The following FGF14 variants were observed in gnomAD, a reference collection of about 807,000 sequenced individuals.
FGF14 encodes the protein fibroblast growth factor 14.
A neutral mutation model predicts 25.5 loss-of-function variants in FGF14; 5 were observed. The ratio of observed to expected loss-of-function variants is 0.20; its 90% confidence interval spans 0.10 to 0.41. The LOEUF (loss-of-function observed/expected upper bound fraction) is 0.41, where lower values mean the gene tolerates loss of function less well. FGF14 is among the 10% of genes least tolerant of loss of function. The probability of loss-of-function intolerance (pLI) is 1.00; values close to 1 mark genes in which losing one functional copy is unlikely to be tolerated. For synonymous variants in FGF14, 138 were observed against 118.3 expected (o/e 1.17, Z -1.08); for missense variants, 222 against 320.1 (o/e 0.69, Z 2.34).
intron 1 of FGF14, among the ~76,000 whole-genome samples, chr13:102,238,152 A>T (rs1376882017): frequency 6.6e-6 from 1 of 152,202 alleles, no homozygotes; most frequent in African/African-American, 2.4e-5. Flanking sequence ...TGTATTGTAA[A>T]GGCTGCACTC....
chr13:102,241,698 A>T (rs1566853662), intron 1 of FGF14, among the ~76,000 whole-genome samples: 4 of 152,148 alleles, frequency 2.6e-5, no homozygotes, highest in Admixed American at 2.6e-4. Context: ...CAGCCAGCCT[A>T]TCCTTCCATT....
At chr13:102,314,560 C>T (rs2055927072) in intron 1 of FGF14, among the ~76,000 whole-genome samples, 1 of 152,084 alleles carries the variant, frequency 6.6e-6, no homozygotes, top group Non-Finnish European at 1.5e-5. Context: ...CTTTCCTGCC[C>T]TCAGAGAGCT....
chr13:101,744,480 A>T (rs1206582974), intron 3 of FGF14, among the ~76,000 whole-genome samples: 1 of 152,120 alleles, frequency 6.6e-6, no homozygotes, highest in Non-Finnish European at 1.5e-5. Context: ...ATATTCAATT[A>T]GAGTGGGGAC....
chr13:101,832,108 C>T (rs183937995), intron 3 of FGF14, among the ~76,000 whole-genome samples: 5 of 152,096 alleles, frequency 3.3e-5, no homozygotes, highest in Non-Finnish European at 5.9e-5. Flanking sequence ...TATGTCTCCT[C>T]GTAAGAAAGG....
intron 1 of FGF14, among the ~76,000 whole-genome samples, chr13:101,943,549 T>C (rs1291108482): frequency 6.6e-6 from 1 of 152,112 alleles, no homozygotes; most frequent in Non-Finnish European, 1.5e-5. Flanking sequence ...TAAACATCAA[T>C]TGTTGCAGGG....
At chr13:102,401,759 GT>G (rs1315358217) in exon 1 of FGF14, 1 of 1,193,844 alleles carries the variant, frequency 8.4e-7, no homozygotes, top group Non-Finnish European at 1.2e-6. Context: ...CTCAGTGATT[GT>G]TTGTTTTCGG....
At chr13:102,279,260 T>C (rs1052947736) in intron 1 of FGF14, among the ~76,000 whole-genome samples, 8 of 152,182 alleles carry the variant, frequency 5.3e-5, no homozygotes, top group African/African-American at 1.9e-4. Flanking sequence ...TTCTCCCAAG[T>C]AATATATTTA....
intron 1 of FGF14, among the ~76,000 whole-genome samples, chr13:101,991,379 G>A (rs1394900911): frequency 6.6e-6 from 1 of 152,068 alleles, no homozygotes; most frequent in Non-Finnish European, 1.5e-5. Flanking sequence ...AAAAAAGTTT[G>A]AATTCAGTTG....
chr13:102,352,260 C>G (rs971211286), intron 1 of FGF14, among the ~76,000 whole-genome samples: 8 of 146,270 alleles, frequency 5.5e-5, no homozygotes, highest in African/African-American at 2.2e-4. Flanking sequence ...CACACACACA[C>G]ACACACACAC....
chr13:101,799,458 C>A (rs906873304), intron 3 of FGF14, among the ~76,000 whole-genome samples: 11 of 151,954 alleles, frequency 7.2e-5, no homozygotes, highest in African/African-American at 2.7e-4. Context: ...AGGTGATTTG[C>A]CACAGCAGAA....
chr13:102,131,341 C>G (rs1173476871), intron 1 of FGF14, among the ~76,000 whole-genome samples: 1 of 152,156 alleles, frequency 6.6e-6, no homozygotes, highest in East Asian at 1.9e-4. Flanking sequence ...TCAACTGATG[C>G]TTTTTATAAA....
chr13:101,996,026 A>G (rs963404082), intron 1 of FGF14, among the ~76,000 whole-genome samples: 1 of 152,230 alleles, frequency 6.6e-6, no homozygotes, highest in African/African-American at 2.4e-5. Context: ...TTGTAACTCA[A>G]AGGATAAATG....
rs1475838895 is a variant in FGF14, at chr13:101,711,949, A to C, written c.*10882T>G. On this transcript the variant is annotated 3_prime_UTR_variant, in exon 5 of 5. Transcript: ENST00000376143. ...TCAGGGGTGTGAGTGGGTCTTGGCC[A>C]GCTGAGTTGAACCATTTCTCACCTC... is the stretch of plus-strand genomic sequence containing the variant. 6.6e-6 allele frequency: 1 copy of C among 152,250 alleles called. No individual in the cohort carries two copies. Among genetic ancestry groups the C allele is most frequent in the East Asian group, 1.9e-4 (1 of 5,180 alleles). 9.4% of individuals were successfully genotyped at this position (152,250 alleles called of 1,614,324 possible). A position where few individuals can be genotyped will look rare whatever the true frequency, so the allele number is the denominator to read the frequency against.
intron 1 of FGF14, among the ~76,000 whole-genome samples, chr13:102,118,096 T>C (rs770095334): frequency 3.9e-5 from 6 of 152,152 alleles, no homozygotes; most frequent in African/African-American, 7.2e-5. Context: ...GAACTCTGTG[T>C]ATATACTCAA....
intron 1 of FGF14, among the ~76,000 whole-genome samples, chr13:101,897,070 G>A (rs2030802152): frequency 6.6e-6 from 1 of 152,090 alleles, no homozygotes; most frequent in Non-Finnish European, 1.5e-5. Context: ...TCCTGGAAAT[G>A]AAATTAGAAA....
At chr13:101,907,312 G>C (rs2032366022) in intron 1 of FGF14, among the ~76,000 whole-genome samples, 1 of 152,090 alleles carries the variant, frequency 6.6e-6, no homozygotes, top group African/African-American at 2.4e-5. Context: ...ACATGGAATA[G>C]TTAACGTATT....
In FGF14 at chr13:101,734,020, C is replaced by CTG. The variant is rs146211386; in HGVS notation, c.409-7212_409-7211dup. 2.9e-4 allele frequency among the ~76,000 whole-genome samples: 44 copies of CTG among 150,186 alleles called. No homozygotes were observed. The East Asian group carries it at 4.9e-3, about 17-fold the overall frequency. On this transcript the variant is annotated intron_variant, in intron 3 of 4. Transcript: ENST00000376143. ...TTTTTAAATATACATAAGGAGATGT[C>CTG]TGTGTGTGTGTGTGCATGTGTGTGT...
rs145566017 is a variant in FGF14 at position 101,865,034 on chromosome 13, T to C, written c.408+3691A>G. Among the ~76,000 whole-genome samples the C allele has an allele frequency of 1.0e-3, 154 of 152,282 alleles. 1 individual carries two copies. The highest frequency in any genetic ancestry group is 3.5e-3 in the African/African-American group (147 of 41,582). On this transcript the variant is annotated intron_variant, in intron 3 of 4. Coordinates refer to ENST00000376143, the MANE Select transcript of FGF14 (RefSeq NM_004115.4). ...TGTCAGATCCAGGACCCAGGTGTTC[T>C]GAATAAAGCCCAGAGATTTACTCAT...
chr13:102,161,626 AAGAAGAAGAAGAAGAAGAAG>A (rs2140587826), intron 1 of FGF14, among the ~76,000 whole-genome samples: 115 of 10,854 alleles, frequency 0.011, 4 homozygotes, highest in Admixed American at 0.02. Context: ...GAAGAAGAAG[AAGAAGAAGAAGAAGAAGAAG>A]AAGAAGAAGA....
Sources: gnomAD v4.1 joint callset for allele counts (sites outside exome capture counted in the v4.1 genomes callset) on GRCh38, gnomAD v4.1.1 for gene constraint, MANE v1.5 for transcripts, NCBI Gene and HGNC (gene_info 2026-07-23, HGNC 2026-07-21) for gene names.